The following ANO2 variants were observed in gnomAD, a reference collection of about 807,000 sequenced individuals.
ANO2 encodes the protein anoctamin 2, also known as anoctamin-2.
In ANO2, 101 loss-of-function variants were observed where a neutral mutation model predicts 124.2. The ratio of observed to expected loss-of-function variants is 0.81; its 90% CI spans 0.69 to 0.96. The LOEUF (loss-of-function observed/expected upper bound fraction) is 0.96, where lower values mean the gene tolerates loss of function less well. Ranked by LOEUF, ANO2 falls within the 40% of genes least tolerant of loss-of-function variation. The pLI, the probability that ANO2 is intolerant of heterozygous loss-of-function variation, is 0.00. For synonymous variants in ANO2, 486 were observed against 482.5 expected, an observed-to-expected ratio of 1.01 and a Z score of -0.09; for missense variants, 1,293 against 1,274.5, an observed-to-expected ratio of 1.01 and a Z score of -0.22.
At position 5,862,363 on chromosome 12, in the gene ANO2, C is replaced by A. The variant is rs569259097; in HGVS notation, c.535-8222G>T. ...AAGACTTCACCTGGTTCCCAACCAACGACCAGGGACAACCCAGGGTCCTAT... is the reference window on the plus strand; with the variant it reads ...AAGACTTCACCTGGTTCCCAACCAAAGACCAGGGACAACCCAGGGTCCTAT... On this transcript the variant is annotated intron_variant, in intron 3 of 24. Transcript: ENST00000682330. The surrounding 1 kb of genome is among the most constrained non-coding windows in gnomAD (Gnocchi z 4.0). 6.6e-6 allele frequency among the ~76,000 whole-genome samples: 1 copy of A among 152,326 alleles called. No individual in the cohort carries two copies. Among genetic ancestry groups the A allele is most frequent in the South Asian group, 2.1e-4 (1 of 4,824 alleles).
intron 7 of ANO2, among the ~76,000 whole-genome samples, chr12:5,822,548 A>G (rs941363435): frequency 6.6e-6 from 1 of 152,232 alleles, no homozygotes; most frequent in Non-Finnish European, 1.5e-5. Context: ...ACCTGGCTAC[A>G]GCCACTGCTG....
chr12:5,623,886 G>T (rs1457556792), intron 16 of ANO2, among the ~76,000 whole-genome samples: 1 of 152,184 alleles, frequency 6.6e-6, no homozygotes, highest in Non-Finnish European at 1.5e-5. Context: ...TGGGGGGTGG[G>T]TGGAGGGACT....
At chr12:5,650,221 A>C (rs1946850664) in intron 14 of ANO2, among the ~76,000 whole-genome samples, 1 of 152,210 alleles carries the variant, frequency 6.6e-6, no homozygotes, top group South Asian at 2.1e-4. Flanking sequence ...ACCACCAAGG[A>C]AACAAGGAAA....
chr12:5,633,032 G>A (rs773268766), intron 16 of ANO2, among the ~76,000 whole-genome samples: 2 of 152,184 alleles, frequency 1.3e-5, no homozygotes, highest in Admixed American at 6.5e-5. Flanking sequence ...CACATGGAGC[G>A]GGTAGGGGAC....
intron 1 of ANO2, among the ~76,000 whole-genome samples, chr12:5,934,698 C>T (rs1444226013): frequency 1.3e-5 from 2 of 152,120 alleles, no homozygotes; most frequent in African/African-American, 4.8e-5. Context: ...GGTCTGTTGG[C>T]TCATTAATTA....
At chr12:5,758,375 G>C (rs1042907117) in intron 10 of ANO2, among the ~76,000 whole-genome samples, 1 of 152,204 alleles carries the variant, frequency 6.6e-6, no homozygotes, top group African/African-American at 2.4e-5. Context: ...TGAGTGCACA[G>C]AGCCTGCCTA....
Position 5,930,291 on chromosome 12 carries a change from C to G in ANO2, c.23-7487G>C, listed in dbSNP as rs368574986. 4.0e-5 allele frequency among the ~76,000 whole-genome samples: 6 copies of G among 151,674 alleles called. 1 individual carries two copies. The highest frequency in any genetic ancestry group is 3.9e-4 in the Admixed American group (6 of 15,220). ...GGAAGTTAAATGGGTCTGCAATGAACGAACAGAGATGTGAAATACTGCACG... is the reference window on the plus strand; with the variant it reads ...GGAAGTTAAATGGGTCTGCAATGAAGGAACAGAGATGTGAAATACTGCACG... On this transcript the variant is annotated intron_variant, in intron 1 of 24. Coordinates refer to ENST00000682330, the MANE Select transcript of ANO2 (RefSeq NM_001364791.2).
intron 10 of ANO2, among the ~76,000 whole-genome samples, chr12:5,757,774 A>G (rs1200855647): frequency 6.6e-6 from 1 of 152,228 alleles, no homozygotes; most frequent in African/African-American, 2.4e-5. Context: ...CGTCCAGGGA[A>G]AACTGGGATA....
intron 11 of ANO2, among the ~76,000 whole-genome samples, chr12:5,747,449 A>T (rs1324362979): frequency 6.6e-6 from 1 of 152,182 alleles, no homozygotes; most frequent in Non-Finnish European, 1.5e-5. Context: ...ATGAATTTAC[A>T]ATTATGTTTA....
At chr12:5,618,146 C>A (rs1298857539) in intron 16 of ANO2, among the ~76,000 whole-genome samples, 1 of 152,206 alleles carries the variant, frequency 6.6e-6, no homozygotes, top group African/African-American at 2.4e-5. Context: ...AATTTGCACA[C>A]TGAAAGGGGA....
At chr12:5,739,153 A>G in intron 13 of ANO2, 164 bp downstream of exon 13, 1 of 732,194 alleles carries the variant, frequency 1.4e-6, no homozygotes, top group South Asian at 1.5e-5. Flanking sequence ...GAGTAGGTCA[A>G]CCATGGCCCA....
intron 10 of ANO2, among the ~76,000 whole-genome samples, chr12:5,758,515 G>A (rs1951646667): frequency 6.6e-6 from 1 of 152,158 alleles, no homozygotes. Flanking sequence ...GGAGCGGGAG[G>A]GGCATGGAGA....
At chr12:5,827,463 G>C (rs1953994282) in intron 7 of ANO2, among the ~76,000 whole-genome samples, 1 of 152,198 alleles carries the variant, frequency 6.6e-6, no homozygotes, top group African/African-American at 2.4e-5. Context: ...AAACAGAGGA[G>C]CCGCAGAATT....
In ANO2 at chr12:5,658,758, T is replaced by C. The variant is rs529175945; in HGVS notation, c.1546-10957A>G. 6.6e-6 allele frequency among the ~76,000 whole-genome samples: 1 copy of C among 152,156 alleles called. No homozygotes were observed. The highest frequency in any genetic ancestry group is 1.5e-5 in the Non-Finnish European group (1 of 68,024). ...ATCATCATCAACATCATTATCATCA[T>C]TAAATCATCATCAGCATCAATATTA... is the stretch of plus-strand genomic sequence containing the variant. On this transcript the variant is annotated intron_variant, in intron 14 of 24. Transcript: ENST00000682330. The surrounding 1 kb of genome is among the most constrained non-coding windows in gnomAD (Gnocchi z 4.3).
At chr12:5,818,904 C>T (rs1169326886) in intron 7 of ANO2, among the ~76,000 whole-genome samples, 1 of 152,142 alleles carries the variant, frequency 6.6e-6, no homozygotes, top group East Asian at 1.9e-4. Context: ...AAATGATGAA[C>T]TCAGGGATTC....
At position 5,922,930 on chromosome 12, in the gene ANO2, C is replaced by A. The variant is rs116057545; in HGVS notation, c.23-126G>T. The A allele has an allele frequency of 2.9e-4, 292 of 1,000,364 alleles. No individual in the cohort carries two copies. In the African/African-American group the frequency reaches 4.2e-3, roughly 15 times the overall value. The allele number at this position is 1,000,364 out of a possible 1,614,324, so 62.0% of individuals were successfully genotyped here. ...GCCCATTTTGCTTCACAGCTGCCTCCTTGGTTAGTCCCTAAAGCCCAGGTT... is the reference window on the plus strand; with the variant it reads ...GCCCATTTTGCTTCACAGCTGCCTCATTGGTTAGTCCCTAAAGCCCAGGTT... On this transcript the variant is annotated intron_variant, in intron 1 of 24. Coordinates refer to ENST00000682330, the MANE Select transcript of ANO2 (RefSeq NM_001364791.2).
chr12:5,913,138 A>C (rs1011648889), intron 3 of ANO2, among the ~76,000 whole-genome samples: 1 of 152,212 alleles, frequency 6.6e-6, no homozygotes, highest in Non-Finnish European at 1.5e-5. Context: ...GAAGGCCTCC[A>C]GGGGACGCTG....
At position 5,563,521 on chromosome 12, in the gene ANO2, G is replaced by A. The variant is rs369360823; in HGVS notation, c.2775C>T (p.Asp925=). 1.4e-5 allele frequency: 23 copies of A among 1,613,974 alleles called. No individual in the cohort carries two copies. In the African/African-American group the frequency reaches 2.7e-4, roughly 19 times the overall value. The change falls in exon 25 of 25, where the codon GAC becomes GAT. Residue 925 remains aspartate, a synonymous_variant. Coordinates refer to ENST00000682330, the MANE Select transcript of ANO2 (RefSeq NM_001364791.2). ...LSVLVDWMIP[D]IPTDISDQIK... is the part of the protein sequence containing the mutation. Reference sequence around the variant, plus strand: ...TCTGGTCGCTGATGTCCGTGGGGATGTCTGGAATCATCCAGTCCACGAGGA... The same window carrying A: ...TCTGGTCGCTGATGTCCGTGGGGATATCTGGAATCATCCAGTCCACGAGGA...
At chr12:5,866,119 G>C (rs1037554500) in intron 3 of ANO2, among the ~76,000 whole-genome samples, 3 of 152,182 alleles carry the variant, frequency 2.0e-5, no homozygotes, top group African/African-American at 4.8e-5. Context: ...CACAACGACT[G>C]CTTCTGGAAT....
Sources: allele counts gnomAD v4.1 joint callset (sites outside exome capture counted in the v4.1 genomes callset), GRCh38; gene constraint gnomAD v4.1.1; non-coding constraint Gnocchi (gnomAD v3.1); transcripts MANE v1.5; gene names NCBI Gene and HGNC (gene_info 2026-07-23, HGNC 2026-07-21).